Variants in SGSM1 observed in about 807,000 individuals in gnomAD.
SGSM1 encodes the protein RUN and TBC1 domain containing 2.
In SGSM1, 73 loss-of-function variants were observed where a neutral mutation model predicts 133.8. The ratio of observed to expected loss-of-function variants is 0.55; its 90% confidence interval spans 0.45 to 0.66. SGSM1 has a LOEUF of 0.66. Ranked by LOEUF, SGSM1 falls within the 30% of genes least tolerant of loss-of-function variation. The pLI, the probability that SGSM1 is intolerant of heterozygous loss-of-function variation, is 0.00. For synonymous variants in SGSM1, 563 were observed against 573.0 expected (o/e 0.98, Z 0.25); for missense variants, 1,213 against 1,448.1 (o/e 0.84, Z 2.64).
chr22:24,910,355 C>A (rs959842433), intron 21 of SGSM1, among the ~76,000 whole-genome samples: 1 of 152,034 alleles, frequency 6.6e-6, no homozygotes, highest in Admixed American at 6.6e-5. Flanking sequence ...TCTCAATAAA[C>A]CTGTTAAAAA....
intron 20 of SGSM1, among the ~76,000 whole-genome samples, chr22:24,902,575 A>T (rs929869920): frequency 6.6e-6 from 1 of 152,130 alleles, no homozygotes; most frequent in Non-Finnish European, 1.5e-5. Context: ...AGTCCTGCAT[A>T]CTTGGGAGGT....
At chr22:24,860,914 AAAAAAAAAATATATATAT>A (rs1449014646) in intron 9 of SGSM1, among the ~76,000 whole-genome samples, 2 of 96,014 alleles carry the variant, frequency 2.1e-5, no homozygotes, top group African/African-American at 1.1e-4. Flanking sequence ...AAAAAAAAAA[AAAAAAAAAATATATATAT>A]ATATATATAT....
chr22:24,832,121 G>GGGTT, intron 2 of SGSM1, among the ~76,000 whole-genome samples: 1 of 152,206 alleles, frequency 6.6e-6, no homozygotes, highest in African/African-American at 2.4e-5. Context: ...GAGATTTGAT[G>GGGTT]AGTTAGTTCA....
intron 16 of SGSM1, among the ~76,000 whole-genome samples, chr22:24,889,172 G>C (rs1283781211): frequency 2.0e-5 from 3 of 151,736 alleles, no homozygotes; most frequent in Admixed American, 6.6e-5. Flanking sequence ...ATGTTGGCCA[G>C]GCTGGTCCTA....
intron 12 of SGSM1, among the ~76,000 whole-genome samples, chr22:24,874,256 G>A (rs1035404599): frequency 4.6e-5 from 7 of 152,202 alleles, no homozygotes; most frequent in South Asian, 2.1e-4. Context: ...ATAAAAATCA[G>A]CATTCTTTCT....
rs763206898 is a variant in SGSM1, at chr22:24,868,363, G to T, written c.995-13G>T. The T allele has an allele frequency of 2.5e-6, 4 of 1,604,216 alleles. No homozygotes were observed. Among genetic ancestry groups the T allele is most frequent in the Non-Finnish European group, 3.4e-6 (4 of 1,173,482 alleles). On this transcript the variant is annotated splice_polypyrimidine_tract_variant and intron_variant, in intron 10 of 24. Transcript: ENST00000400358. ...ACTTCCACTGGGTCTTCTCTGGCTG[G>T]TGGTGGCGGCAGTTGACAGCGGCGG...
At position 24,898,162 on chromosome 22, in the gene SGSM1, T is replaced by C. The variant is rs1293588599; in HGVS notation, c.2213T>C (p.Val738Ala). The C allele has an allele frequency of 6.2e-7, 1 of 1,613,890 alleles. No homozygotes were observed. Among genetic ancestry groups the C allele is most frequent in the South Asian group, 1.1e-5 (1 of 91,062 alleles). The change falls in exon 19 of 25, where the codon GTC becomes GCC. Residue 738 changes from valine to alanine, a missense_variant. Val to Ala is a moderately conservative substitution (Grantham distance 64, BLOSUM62 0). Transcript: ENST00000400358. ...SEPSLSTEDS[V>A]LDAQRNTPTV... Reference sequence around the variant, plus strand: ...CCCAGTCTGAGCACAGAAGACAGTGTCTTGGACGCCCAGCGGAACACCCCC... The same window carrying C: ...CCCAGTCTGAGCACAGAAGACAGTGCCTTGGACGCCCAGCGGAACACCCCC...
chr22:24,867,903 A>G (rs1035025245), intron 10 of SGSM1, among the ~76,000 whole-genome samples: 4 of 152,134 alleles, frequency 2.6e-5, no homozygotes, highest in Admixed American at 6.5e-5. Flanking sequence ...GCAATAATAG[A>G]TAGGACTCTT....
chr22:24,833,378 G>C (rs755512340), intron 2 of SGSM1, among the ~76,000 whole-genome samples: 4 of 151,816 alleles, frequency 2.6e-5, no homozygotes, highest in Non-Finnish European at 5.9e-5. Context: ...TCCACATGTG[G>C]GCCAGGCGCG....
intron 14 of SGSM1, among the ~76,000 whole-genome samples, chr22:24,880,078 A>G (rs924675747): frequency 6.6e-6 from 1 of 152,182 alleles, no homozygotes; most frequent in Non-Finnish European, 1.5e-5. Context: ...AACAAGCAGT[A>G]GAGCTGAGAC....
chr22:24,850,163 T>G, intron 4 of SGSM1, 117 bp from the exon 5 acceptor site: 1 of 1,104,426 alleles, frequency 9.1e-7, no homozygotes, highest in Non-Finnish European at 1.3e-6. Context: ...GGGCTCTTCT[T>G]GTTTAGCTGC....
chr22:24,833,656 CA>C (rs139639), intron 2 of SGSM1, among the ~76,000 whole-genome samples: 60,256 of 139,964 alleles, frequency 0.43, 12,885 homozygotes, highest in African/African-American at 0.57. Flanking sequence ...GACTCCGTCT[CA>C]AAAAAAAAAA....
chr22:24,856,181 T>C, intron 8 of SGSM1: 1 of 332,014 alleles, frequency 3.0e-6, no homozygotes, highest in Non-Finnish European at 6.0e-6. Context: ...GGACCTGCTA[T>C]GTGCTAGGTG....
At chr22:24,823,870 A>G (rs1315553449) in intron 2 of SGSM1, among the ~76,000 whole-genome samples, 2 of 152,120 alleles carry the variant, frequency 1.3e-5, no homozygotes, top group Non-Finnish European at 2.9e-5. Flanking sequence ...TGATCGCGTC[A>G]CTGTACTCCA....
chr22:24,862,651 A>G (rs6004327), intron 9 of SGSM1, among the ~76,000 whole-genome samples: 5,203 of 152,286 alleles, frequency 0.034, 304 homozygotes, highest in African/African-American at 0.12. Flanking sequence ...CCACTGTGCT[A>G]GATGCAAGGG....
chr22:24,923,361 T>C (rs1934080560), intron 24 of SGSM1, among the ~76,000 whole-genome samples: 1 of 152,206 alleles, frequency 6.6e-6, no homozygotes. Flanking sequence ...TTTTCTTTTT[T>C]TTCTTTCTAC....
chr22:24,815,956 G>C (rs1928045456), intron 2 of SGSM1, among the ~76,000 whole-genome samples: 1 of 152,150 alleles, frequency 6.6e-6, no homozygotes, highest in Non-Finnish European at 1.5e-5. Flanking sequence ...TTTTAAAACT[G>C]GGAGGGTCAG....
intron 5 of SGSM1, among the ~76,000 whole-genome samples, chr22:24,852,066 T>A (rs1930514201): frequency 6.6e-6 from 1 of 152,240 alleles, no homozygotes; most frequent in South Asian, 2.1e-4. Flanking sequence ...AATGTCAACC[T>A]GCTTTTTTTC....
At position 24,905,086 on chromosome 22, in the gene SGSM1, C is replaced by T. The variant is rs374156356; in HGVS notation, c.2736-19C>T. 6.2e-7 allele frequency: 1 copy of T among 1,611,922 alleles called. No individual in the cohort carries two copies. The highest frequency in any genetic ancestry group is 1.3e-5 in the African/African-American group (1 of 74,862). ...GGCAGGCCACGGCTGCCATCATTGG[C>T]CCCTTGTGTCTCTTCTAGCTACATC... is the stretch of plus-strand genomic sequence containing the variant. On this transcript the variant is annotated intron_variant, in intron 20 of 24. Transcript: ENST00000400358.
Sources: gnomAD v4.1 joint callset for allele counts (sites outside exome capture counted in the v4.1 genomes callset) on GRCh38, gnomAD v4.1.1 for gene constraint, MANE v1.5 for transcripts, NCBI Gene and HGNC (gene_info 2026-07-23, HGNC 2026-07-21) for gene names.